The following EML6 variants were observed in gnomAD, a reference collection of about 807,000 sequenced individuals.
EML6 encodes echinoderm microtubule-associated protein-like 6.
EML6 carries 154 observed loss-of-function variants against 240.1 expected under a neutral mutation model. That is an observed-to-expected ratio of 0.64 (90% CI 0.56 to 0.73). The LOEUF (loss-of-function observed/expected upper bound fraction) is 0.73, where lower values mean the gene tolerates loss of function less well. Ranked by LOEUF, EML6 falls within the 30% of genes least tolerant of loss-of-function variation. EML6 has a pLI of 0.00. For synonymous variants in EML6, 1,148 were observed against 899.0 expected (o/e 1.28, Z -4.95); for missense variants, 2,964 against 2,474.6 (o/e 1.20, Z -4.20).
rs193174004 is a variant in EML6 at position 54,759,709 on chromosome 2, C to T, written c.197+34451C>T. ...ATACCAACACATCTTCATCACCAAG[C>T]TAGCATGTGAATGCTCAGGAGAGAG... On this transcript the variant is annotated intron_variant, in intron 2 of 41. Transcript: ENST00000356458. Among the ~76,000 whole-genome samples the T allele has an allele frequency of 7.9e-5, 12 of 152,062 alleles. No homozygotes were observed. The South Asian group carries it at 2.5e-3, about 32-fold the overall frequency.
At chr2:54,939,473 TA>T (rs1675315091) in intron 28 of EML6, among the ~76,000 whole-genome samples, 1 of 152,204 alleles carries the variant, frequency 6.6e-6, no homozygotes, top group South Asian at 2.1e-4. Flanking sequence ...GATGGATGAG[TA>T]CTGCTTCCAA....
chr2:54,961,184 G>GTTGTTTTTTTTTGTTTGTTT, intron 35 of EML6, among the ~76,000 whole-genome samples: 1 of 55,422 alleles, frequency 1.8e-5, no homozygotes, highest in African/African-American at 8.1e-5. Flanking sequence ...TCAGGAAGTA[G>GTTGTTTTTTTTTGTTTGTTT]TTTTTTTTTT....
At chr2:54,943,600 C>T (rs1460306405) in intron 28 of EML6, among the ~76,000 whole-genome samples, 1 of 152,130 alleles carries the variant, frequency 6.6e-6, no homozygotes, top group Non-Finnish European at 1.5e-5. Flanking sequence ...GACATGGGGG[C>T]TCTTTAACCC....
chr2:54,888,564 C>A lies in EML6; in HGVS notation c.2439-2490C>A, dbSNP rs1209235503. Among the ~76,000 whole-genome samples the A allele has an allele frequency of 3.3e-5, 5 of 152,144 alleles. No individual in the cohort carries two copies. The East Asian group carries it at 9.6e-4, about 29-fold the overall frequency. On this transcript the variant is annotated intron_variant, in intron 17 of 41. Coordinates refer to ENST00000356458, the MANE Select transcript of EML6 (RefSeq NM_001039753.4). ...CTGTGGCAACCACTAATTTTTTACC[C>A]ATGTTAGTAGTTTTTACCTTTTCCA... is the stretch of plus-strand genomic sequence containing the variant.
intron 2 of EML6, among the ~76,000 whole-genome samples, chr2:54,743,209 C>T (rs1049772775): frequency 4.6e-5 from 7 of 152,176 alleles, no homozygotes; most frequent in African/African-American, 1.4e-4. Context: ...TCGCAGGGTG[C>T]ACGCACATAC....
At chr2:54,817,966 C>T (rs981126776) in intron 4 of EML6, among the ~76,000 whole-genome samples, 11 of 152,280 alleles carry the variant, frequency 7.2e-5, no homozygotes, top group African/African-American at 1.4e-4. Context: ...GTACCCCTCT[C>T]GTCCAGTAGT....
chr2:54,854,932 T>C (rs528464891), intron 11 of EML6, among the ~76,000 whole-genome samples: 34 of 152,318 alleles, frequency 2.2e-4, no homozygotes, highest in East Asian at 1.9e-4. Context: ...GAATTCAGAA[T>C]TGAGAAGAAA....
At chr2:54,819,429 TGTCTC>T (rs780292299) in intron 4 of EML6, among the ~76,000 whole-genome samples, 12 of 152,300 alleles carry the variant, frequency 7.9e-5, no homozygotes, top group Non-Finnish European at 1.8e-4. Context: ...TTTTCCTTCT[TGTCTC>T]TGGATTGGAA....
chr2:54,903,290 C>G, intron 23 of EML6, 81 bp from the exon 24 acceptor site: 1 of 1,523,156 alleles, frequency 6.6e-7, no homozygotes, highest in Non-Finnish European at 8.9e-7. Flanking sequence ...TGACCATTTT[C>G]CCACTTTTAA....
chr2:54,796,766 C>T lies in EML6; in HGVS notation c.198-16466C>T, dbSNP rs148037718. The stretch of plus-strand genomic sequence containing the variant: ...GAAAATGTTGTGTTTCTTGTGGTAA[C>T]ATAAGTGAATGCATAGAACAAACCG... On this transcript the variant is annotated intron_variant, in intron 2 of 41. Transcript: ENST00000356458. Among the ~76,000 whole-genome samples the T allele has an allele frequency of 7.6e-4, 116 of 152,146 alleles. 2 individuals carry two copies. In the East Asian group the frequency reaches 0.014, roughly 18 times the overall value.
At chr2:54,951,026 A>C (rs1214296316) in intron 30 of EML6, among the ~76,000 whole-genome samples, 1 of 152,134 alleles carries the variant, frequency 6.6e-6, no homozygotes, top group Non-Finnish European at 1.5e-5. Context: ...GGCCATGTTG[A>C]CACCAGCCTC....
chr2:54,912,831 C>G (rs1020544498), intron 25 of EML6, among the ~76,000 whole-genome samples: 2 of 152,168 alleles, frequency 1.3e-5, no homozygotes, highest in Non-Finnish European at 2.9e-5. Context: ...TTGGTTGATT[C>G]CATAGCTTTG....
intron 2 of EML6, among the ~76,000 whole-genome samples, chr2:54,781,190 C>T (rs1277512210): frequency 6.6e-6 from 1 of 152,180 alleles, no homozygotes; most frequent in Admixed American, 6.5e-5. Context: ...TAGAAATGGT[C>T]AGTATCTTGC....
At chr2:54,910,298 T>G (rs982630487) in intron 24 of EML6, among the ~76,000 whole-genome samples, 2 of 152,234 alleles carry the variant, frequency 1.3e-5, no homozygotes, top group Non-Finnish European at 2.9e-5. Flanking sequence ...TTGTTGCCAT[T>G]GTAGGAGGAG....
intron 13 of EML6, 34 bp from the exon 14 acceptor site, chr2:54,866,732 G>A (rs1157716822): frequency 4.0e-6 from 5 of 1,265,812 alleles, no homozygotes; most frequent in Non-Finnish European, 5.6e-6. Flanking sequence ...CTGATGAAAG[G>A]CATCTCACCC....
intron 2 of EML6, among the ~76,000 whole-genome samples, chr2:54,753,305 A>C (rs1002552455): frequency 3.3e-5 from 5 of 152,180 alleles, no homozygotes; most frequent in Non-Finnish European, 5.9e-5. Context: ...GTTCCTCTAA[A>C]GATATATCGA....
intron 2 of EML6, among the ~76,000 whole-genome samples, chr2:54,757,332 G>A (rs1667778780): frequency 1.3e-5 from 2 of 152,174 alleles, no homozygotes; most frequent in Admixed American, 1.3e-4. Context: ...CAGTGTTGAT[G>A]AGTGGTTTCA....
chr2:54,844,784 G>A (rs188081940), intron 8 of EML6, among the ~76,000 whole-genome samples: 1 of 152,206 alleles, frequency 6.6e-6, no homozygotes, highest in South Asian at 2.1e-4. Context: ...GGAGCCTCCA[G>A]CTTTCTTGCT....
At chr2:54,798,540 T>A (rs1187195131) in intron 2 of EML6, among the ~76,000 whole-genome samples, 1 of 152,236 alleles carries the variant, frequency 6.6e-6, no homozygotes, top group Non-Finnish European at 1.5e-5. Context: ...AAGTACCTTA[T>A]GTTTTTTGAT....
Sources: allele counts gnomAD v4.1 joint callset (sites outside exome capture counted in the v4.1 genomes callset), GRCh38; gene constraint gnomAD v4.1.1; transcripts MANE v1.5; gene names NCBI Gene and HGNC (gene_info 2026-07-23, HGNC 2026-07-21).